AK8: variants seen among roughly 807,000 people sequenced by gnomAD.
AK8 encodes the protein adenylate kinase 8.
A neutral mutation model predicts 54.6 loss-of-function variants in AK8; 44 were observed. The ratio of observed to expected loss-of-function variants is 0.81; its 90% CI spans 0.63 to 1.04. The LOEUF is 1.04. Ranked by LOEUF, AK8 falls within the 50% of genes least tolerant of loss-of-function variation. AK8 has a pLI of 0.00. For synonymous variants in AK8, 239 were observed against 245.6 expected (o/e 0.97, Z 0.25); for missense variants, 555 against 613.6 (o/e 0.90, Z 1.01).
intron 4 of AK8, among the ~76,000 whole-genome samples, chr9:132,861,140 T>C (rs1843371263): frequency 6.6e-6 from 1 of 152,230 alleles, no homozygotes; most frequent in African/African-American, 2.4e-5. Flanking sequence ...CCCTGGCCAC[T>C]GTGAACCCCC....
intron 11 of AK8, among the ~76,000 whole-genome samples, chr9:132,789,155 C>T (rs1045823562): frequency 5.3e-5 from 8 of 152,014 alleles, no homozygotes; most frequent in Admixed American, 2.0e-4. Flanking sequence ...ATTAGCCAGG[C>T]GTGGTGGCAG....
At chr9:132,759,843 G>C (rs1838370102) in intron 11 of AK8, among the ~76,000 whole-genome samples, 1 of 152,236 alleles carries the variant, frequency 6.6e-6, no homozygotes, top group Admixed American at 6.5e-5. Flanking sequence ...AGATATTTGA[G>C]AGGGCAAGTC....
At chr9:132,754,045 A>T (rs1265063731) in intron 11 of AK8, among the ~76,000 whole-genome samples, 1 of 152,100 alleles carries the variant, frequency 6.6e-6, no homozygotes, top group Non-Finnish European at 1.5e-5. Context: ...TCTGTCTCTA[A>T]AGGACCCACT....
In AK8 at chr9:132,790,291, C is replaced by T. The variant is rs1839891260; in HGVS notation, c.1121+2343G>A. Among the ~76,000 whole-genome samples the T allele has an allele frequency of 6.6e-6, 1 of 151,838 alleles. No homozygotes were observed. On this transcript the variant is annotated intron_variant, in intron 11 of 12. Transcript: ENST00000298545. The surrounding 1 kb of genome is among the most constrained non-coding windows in gnomAD (Gnocchi z 4.1). ...TTTGAGACGGAGTCTCACTCTGTCGCTCAGGCTGGAGCGCAGTGGCGTGAT... is the reference window on the plus strand; with the variant it reads ...TTTGAGACGGAGTCTCACTCTGTCGTTCAGGCTGGAGCGCAGTGGCGTGAT...
intron 1 of AK8, among the ~76,000 whole-genome samples, chr9:132,876,081 C>T (rs1256131565): frequency 6.6e-6 from 1 of 152,194 alleles, no homozygotes; most frequent in South Asian, 2.1e-4. Context: ...GAGGGAGGGG[C>T]TGTAGCCCTC....
intron 11 of AK8, among the ~76,000 whole-genome samples, chr9:132,751,830 A>G (rs996903035): frequency 1.3e-5 from 2 of 151,700 alleles, no homozygotes; most frequent in Admixed American, 1.3e-4. Flanking sequence ...TTTCATTTTT[A>G]TTATTTATTT....
rs192843143 is a variant in AK8, at chr9:132,752,375, G to A, written c.1122-24841C>T. ...CGCCATTCTCCTGCCTCTGCCTCCC[G>A]AGCAGCTGGGACTATAGGCGCCCGC... On this transcript the variant is annotated intron_variant, in intron 11 of 12. Transcript: ENST00000298545. Among the ~76,000 whole-genome samples the A allele has an allele frequency of 6.9e-3, 1,046 of 150,746 alleles. 13 individuals carry two copies. The highest frequency in any genetic ancestry group is 0.02 in the African/African-American group (811 of 41,046).
intron 11 of AK8, among the ~76,000 whole-genome samples, chr9:132,774,814 T>A (rs141321742): frequency 6.6e-6 from 1 of 152,156 alleles, no homozygotes; most frequent in Admixed American, 6.5e-5. Context: ...CTGATTTCCA[T>A]GGCGGGGAAG....
At chr9:132,878,380 C>T, upstream of AK8, 1 of 1,245,794 alleles carries the variant, frequency 8.0e-7, no homozygotes, top group Non-Finnish European at 1.0e-6. This position sits in a 1 kb window ranked among gnomAD's most constrained non-coding sequence, Gnocchi z 4.7. Flanking sequence ...ACCCGATCCT[C>T]GGTCGCGCGG....
At chr9:132,818,942 G>A (rs557974153) in intron 9 of AK8, among the ~76,000 whole-genome samples, 2 of 151,812 alleles carry the variant, frequency 1.3e-5, no homozygotes, top group South Asian at 2.1e-4. Flanking sequence ...AAGAATAGAA[G>A]GTATATCATA....
intron 7 of AK8, 62 bp from the exon 8 acceptor site, chr9:132,827,116 G>A (rs1841906062): frequency 3.9e-6 from 6 of 1,557,824 alleles, no homozygotes; most frequent in Non-Finnish European, 5.3e-6. Flanking sequence ...GCGCTGCTGT[G>A]CCTGGCTGGG....
Position 132,858,411 on chromosome 9 carries a change from G to A in AK8, c.334-3486C>T, listed in dbSNP as rs551527803. On this transcript the variant is annotated intron_variant, in intron 4 of 12. Coordinates refer to ENST00000298545, the MANE Select transcript of AK8 (RefSeq NM_152572.3). The stretch of plus-strand genomic sequence containing the variant: ...TCTCACACTGGGATGGCATGAGCCT[G>A]CATCTTCCTGTCCCATCTCCAGGCC... Among the ~76,000 whole-genome samples the A allele has an allele frequency of 1.4e-4, 22 of 152,348 alleles. No homozygotes were observed. In the East Asian group the frequency reaches 2.3e-3, roughly 16 times the overall value.
intron 5 of AK8, among the ~76,000 whole-genome samples, chr9:132,840,662 G>C (rs544676695): frequency 3.3e-4 from 50 of 152,332 alleles, no homozygotes; most frequent in African/African-American, 1.1e-3. Context: ...GGAGGCTGAG[G>C]CAGGTGGATC....
At chr9:132,835,661 A>G (rs2131329023) in intron 5 of AK8, among the ~76,000 whole-genome samples, 1 of 152,316 alleles carries the variant, frequency 6.6e-6, no homozygotes, top group South Asian at 2.1e-4. Context: ...ATCAAAATCT[A>G]GCTCACGGTT....
At chr9:132,754,453 C>T (rs1427901102) in intron 11 of AK8, among the ~76,000 whole-genome samples, 2 of 152,170 alleles carry the variant, frequency 1.3e-5, no homozygotes, top group Non-Finnish European at 2.9e-5. Flanking sequence ...TCTGAATGTT[C>T]GTGGAAGATC....
At chr9:132,821,752 CAA>C (rs549034625) in intron 9 of AK8, among the ~76,000 whole-genome samples, 2,549 of 82,278 alleles carry the variant, frequency 0.031, 20 homozygotes, top group East Asian at 0.11. Flanking sequence ...TATGTATATA[CAA>C]ATATATACAT....
chr9:132,822,815 AAAAT>A (rs1341931345), intron 9 of AK8, among the ~76,000 whole-genome samples: 1 of 152,146 alleles, frequency 6.6e-6, no homozygotes, highest in Non-Finnish European at 1.5e-5. Flanking sequence ...GAGACTGGAG[AAAAT>A]AAATAAACAG....
At chr9:132,739,278 C>T (rs910373980) in intron 11 of AK8, among the ~76,000 whole-genome samples, 2 of 150,440 alleles carry the variant, frequency 1.3e-5, no homozygotes, top group Non-Finnish European at 1.5e-5. Flanking sequence ...GGTGAGACCC[C>T]GTCTCTACTA....
intron 10 of AK8, among the ~76,000 whole-genome samples, chr9:132,808,857 G>A (rs1840851098): frequency 6.6e-6 from 1 of 152,160 alleles, no homozygotes; most frequent in Admixed American, 6.5e-5. Context: ...GCAGGGCGGA[G>A]TCCCCAGGGA....
Sources: gnomAD v4.1 joint callset for allele counts (sites outside exome capture counted in the v4.1 genomes callset) on GRCh38, gnomAD v4.1.1 for gene constraint, Gnocchi (gnomAD v3.1) non-coding constraint, MANE v1.5 for transcripts, NCBI Gene and HGNC (gene_info 2026-07-23, HGNC 2026-07-21) for gene names.